RIPOR1: variants seen among roughly 807,000 people sequenced by gnomAD.
RIPOR1 encodes the protein rho family-interacting cell polarization regulator 1.
A neutral mutation model predicts 116.5 loss-of-function variants in RIPOR1; 58 were observed. The ratio of observed to expected loss-of-function variants is 0.50; its 90% CI spans 0.40 to 0.62. RIPOR1 has a LOEUF of 0.62. RIPOR1 is among the 20% of genes least tolerant of loss of function. RIPOR1 has a pLI of 0.00. For synonymous variants in RIPOR1, 605 were observed against 650.0 expected (o/e 0.93, Z 1.05); for missense variants, 1,372 against 1,586.2 (o/e 0.86, Z 2.29).
At chr16:67,520,364 T>C (rs1414313278) in intron 1 of RIPOR1, among the ~76,000 whole-genome samples, 2 of 132,372 alleles carry the variant, frequency 1.5e-5, no homozygotes, top group Non-Finnish European at 3.1e-5. Flanking sequence ...CTGGTGACAG[T>C]GAGACCCCAT....
At chr16:67,539,175 G>A (rs191117798) in intron 4 of RIPOR1, 107 bp downstream of exon 4, 3 of 926,898 alleles carry the variant, frequency 3.2e-6, no homozygotes, top group Admixed American at 2.8e-5. Flanking sequence ...TCTGGTTCAG[G>A]TGTGAGTAGA....
rs1294986391 is a variant in RIPOR1 at position 67,541,417 on chromosome 16, C to T, written c.802-13C>T. The T allele has an allele frequency of 1.9e-6, 3 of 1,612,344 alleles. No individual in the cohort carries two copies. The highest frequency in any genetic ancestry group is 1.1e-5 in the South Asian group (1 of 90,866). ...TGCACCCTTGTGACCCTACCATGCACTCTTGGCTACAGGTGACAGAACTGA... is the reference window on the plus strand; with the variant it reads ...TGCACCCTTGTGACCCTACCATGCATTCTTGGCTACAGGTGACAGAACTGA... On this transcript the variant is annotated splice_polypyrimidine_tract_variant and intron_variant, in intron 10 of 21. Coordinates refer to ENST00000042381, the MANE Select transcript of RIPOR1 (RefSeq NM_024519.4). This position sits in a 1 kb window ranked among gnomAD's most constrained non-coding sequence, Gnocchi z 4.6.
chr16:67,528,090 C>A (rs1333566644), upstream of RIPOR1, among the ~76,000 whole-genome samples: 1 of 151,950 alleles, frequency 6.6e-6, no homozygotes, highest in Non-Finnish European at 1.5e-5. Flanking sequence ...ATGGGAGGAG[C>A]GGGGGAGTGG....
At position 67,541,659 on chromosome 16, in the gene RIPOR1, C is replaced by T. The variant is rs370847784; in HGVS notation, c.957C>T (p.Phe319=). Residue 319 remains phenylalanine, a synonymous_variant, in exon 12 of 22, where the codon TTC becomes TTT. Transcript: ENST00000042381. The surrounding 1 kb of genome is among the most constrained non-coding windows in gnomAD (Gnocchi z 4.6). ...KLSLEVTWSP[F]DKDDQPSAAS... ...CAGCCTCTTCCCTTCCCAGCCCCTTCGACAAGGATGACCAGCCCTCAGCTG... is the reference window on the plus strand; with the variant it reads ...CAGCCTCTTCCCTTCCCAGCCCCTTTGACAAGGATGACCAGCCCTCAGCTG... The T allele has an allele frequency of 1.5e-4, 248 of 1,613,914 alleles. No homozygotes were observed. The Admixed American group carries it at 2.7e-3, about 17-fold the overall frequency.
Position 67,540,706 on chromosome 16 carries a change from T to G in RIPOR1, c.801+2T>G. The stretch of plus-strand genomic sequence containing the variant: ...CTCACGGAATTTCTGTCTATTAAGG[T>G]GATGTCTCTGCCCAGGACGGCAGGC... On this transcript the variant is annotated splice_donor_variant, in intron 10 of 21. Coordinates refer to ENST00000042381, the MANE Select transcript of RIPOR1 (RefSeq NM_024519.4). LOFTEE classifies it high-confidence loss of function. The surrounding 1 kb of genome is among the most constrained non-coding windows in gnomAD (Gnocchi z 4.7). The G allele has an allele frequency of 6.3e-7, 1 of 1,587,318 alleles. No homozygotes were observed. Among genetic ancestry groups the G allele is most frequent in the Non-Finnish European group, 8.6e-7 (1 of 1,165,824 alleles).
rs1361773599 is a variant in RIPOR1, at chr16:67,544,645, C to T, written c.2734-50C>T. On this transcript the variant is annotated intron_variant, in intron 15 of 21. Transcript: ENST00000042381. The surrounding 1 kb of genome is among the most constrained non-coding windows in gnomAD (Gnocchi z 5.1). ...GGGACTTGTCCCTGAGCACGATCCTCCCGAGCCCTACCCTGAGGCCTGAGC... is the reference window on the plus strand; with the variant it reads ...GGGACTTGTCCCTGAGCACGATCCTTCCGAGCCCTACCCTGAGGCCTGAGC... 1 of 1,607,518 alleles carries T rather than the reference C, an allele frequency of 6.2e-7. No individual in the cohort carries two copies. The highest frequency in any genetic ancestry group is 8.5e-7 in the Non-Finnish European group (1 of 1,179,572).
Position 67,544,585 on chromosome 16 carries a change from C to A in RIPOR1, c.2734-110C>A. 1 of 1,558,858 alleles carries A rather than the reference C, an allele frequency of 6.4e-7. No homozygotes were observed. Among genetic ancestry groups the A allele is most frequent in the Non-Finnish European group, 8.7e-7 (1 of 1,148,842 alleles). On this transcript the variant is annotated intron_variant, in intron 15 of 21. Transcript: ENST00000042381. The surrounding 1 kb of genome is among the most constrained non-coding windows in gnomAD (Gnocchi z 5.1). ...GGCCCTTGCTGAATGGAGTATCTCC[C>A]AACTCTGCAACCCCAACCTCCCCCA...
Position 67,544,033 on chromosome 16 carries a change from C to T in RIPOR1, c.2601-266C>T, listed in dbSNP as rs926941437. Among the ~76,000 whole-genome samples the T allele has an allele frequency of 2.6e-5, 4 of 152,102 alleles. No individual in the cohort carries two copies. Among genetic ancestry groups the T allele is most frequent in the African/African-American group, 7.2e-5 (3 of 41,394 alleles). On this transcript the variant is annotated intron_variant, in intron 14 of 21. Coordinates refer to ENST00000042381, the MANE Select transcript of RIPOR1 (RefSeq NM_024519.4). The surrounding 1 kb of genome is among the most constrained non-coding windows in gnomAD (Gnocchi z 5.1). ...GCAGTCCACTTGTCATAAACCATCCCGCCTGCAGCCTACTCCTACCCATGC... is the reference window on the plus strand; with the variant it reads ...GCAGTCCACTTGTCATAAACCATCCTGCCTGCAGCCTACTCCTACCCATGC...
Position 67,546,195 on chromosome 16 carries a change from G to A in RIPOR1, c.3526G>A (p.Val1176Met). ...VYLCQTDTEAVREAARQSLQQ... is the reference protein window; with the variant it reads ...VYLCQTDTEAMREAARQSLQQ... Reference sequence around the variant, plus strand: ...CCTCTGCCAAACTGACACAGAAGCTGTGAGGGAAGCTGCCCGGCAAAGCCT... The same window carrying A: ...CCTCTGCCAAACTGACACAGAAGCTATGAGGGAAGCTGCCCGGCAAAGCCT... The change falls in exon 21 of 22, where the codon GTG becomes ATG. Residue 1176 changes from valine (V) to methionine (M), a missense_variant. Physicochemically the swap from Val to Met is conservative, Grantham distance 21 (BLOSUM62 1). Around this residue, in one of 3 missense-constraint regions of RIPOR1, gnomAD observed 1,005 missense variants for 1,144.7 expected, o/e 0.88. Transcript: ENST00000042381. 1 of 1,614,126 alleles carries A rather than the reference G, an allele frequency of 6.2e-7. No individual in the cohort carries two copies. Among genetic ancestry groups the A allele is most frequent in the Non-Finnish European group, 8.5e-7 (1 of 1,180,040 alleles).
At chr16:67,523,468 G>A (rs2050511573) in intron 1 of RIPOR1, among the ~76,000 whole-genome samples, 1 of 136,332 alleles carries the variant, frequency 7.3e-6, no homozygotes, top group South Asian at 2.7e-4. Context: ...AGAGGTTGCA[G>A]TGAGCCGAGA....
In RIPOR1 at chr16:67,541,233, ATTTTTTTTTTT is replaced by A. The variant is rs565790382; in HGVS notation, c.802-187_802-177del. On this transcript the variant is annotated intron_variant, in intron 10 of 21. Transcript: ENST00000042381. This position sits in a 1 kb window ranked among gnomAD's most constrained non-coding sequence, Gnocchi z 4.6. The stretch of plus-strand genomic sequence containing the variant: ...GGTGCACCACCATGCCTGGCTAAAA[ATTTTTTTTTTT>A]TTTTTTTTTGAGACAGAGTCTTGCC... The A allele has an allele frequency of 1.5e-5, 6 of 404,994 alleles. No individual in the cohort carries two copies. Among genetic ancestry groups the A allele is most frequent in the Non-Finnish European group, 2.6e-5 (6 of 230,256 alleles). The allele number at this position is 404,994 out of a possible 1,614,324, so 25.1% of individuals were successfully genotyped here. A position where few individuals can be genotyped will look rare whatever the true frequency, so the allele number is the denominator to read the frequency against.
In RIPOR1 at chr16:67,544,171, A is replaced by T. The variant is rs2051088289; in HGVS notation, c.2601-128A>T. 8.1e-7 allele frequency: 1 copy of T among 1,227,880 alleles called. No individual in the cohort carries two copies. Among genetic ancestry groups the T allele is most frequent in the Non-Finnish European group, 1.1e-6 (1 of 887,326 alleles). The allele number at this position is 1,227,880 out of a possible 1,614,324, so 76.1% of individuals were successfully genotyped here. ...CCTTCTGGAAATCCTCCATGAACTT[A>T]CCCCACTGTCTGCTGTCGGTGCATC... On this transcript the variant is annotated intron_variant, in intron 14 of 21. Coordinates refer to ENST00000042381, the MANE Select transcript of RIPOR1 (RefSeq NM_024519.4). This position sits in a 1 kb window ranked among gnomAD's most constrained non-coding sequence, Gnocchi z 5.1.
chr16:67,535,689 G>A (rs2050775195), intron 1 of RIPOR1, among the ~76,000 whole-genome samples: 2 of 152,168 alleles, frequency 1.3e-5, no homozygotes, highest in Admixed American at 6.5e-5. Context: ...GAGGTCTCAG[G>A]TAAAAGGCAG....
At position 67,537,352 on chromosome 16, in the gene RIPOR1, C is replaced by T. The variant is rs540488321; in HGVS notation, c.-23-1072C>T. On this transcript the variant is annotated intron_variant, in intron 1 of 21. Transcript: ENST00000042381. This position sits in a 1 kb window ranked among gnomAD's most constrained non-coding sequence, Gnocchi z 4.6. ...TGACCCCAGCTGAGCAGACCCCTCGCCCCCCGTCGGTCCCCTCCCCGAGGG... is the reference window on the plus strand; with the variant it reads ...TGACCCCAGCTGAGCAGACCCCTCGTCCCCCGTCGGTCCCCTCCCCGAGGG... 12 of 1,218,592 alleles carry T rather than the reference C, an allele frequency of 9.8e-6. No individual in the cohort carries two copies. The South Asian group carries it at 3.8e-4, about 39-fold the overall frequency. 75.5% of individuals were successfully genotyped at this position (1,218,592 alleles called of 1,614,324 possible).
Position 67,544,173 on chromosome 16 carries a change from C to CGAT in RIPOR1, c.2601-126_2601-125insGAT. ...TTCTGGAAATCCTCCATGAACTTAC[C>CGAT]CCACTGTCTGCTGTCGGTGCATCAT... is the stretch of plus-strand genomic sequence containing the variant. On this transcript the variant is annotated intron_variant, in intron 14 of 21. Coordinates refer to ENST00000042381, the MANE Select transcript of RIPOR1 (RefSeq NM_024519.4). The surrounding 1 kb of genome is among the most constrained non-coding windows in gnomAD (Gnocchi z 5.1). 6.4e-6 allele frequency: 8 copies of CGAT among 1,252,926 alleles called. No homozygotes were observed. The South Asian group carries it at 1.2e-4, about 19-fold the overall frequency. The allele number at this position is 1,252,926 out of a possible 1,614,324, so 77.6% of individuals were successfully genotyped here.
In RIPOR1 at chr16:67,543,499, G is replaced by C; in HGVS notation, c.2600+30G>C. Reference sequence around the variant, plus strand: ...GGGGGCTAGGCAAGATGGGTGTGAGGCTAGGTGAGAGGGAAAAGGTGAGGC... The same window carrying C: ...GGGGGCTAGGCAAGATGGGTGTGAGCCTAGGTGAGAGGGAAAAGGTGAGGC... On this transcript the variant is annotated intron_variant, in intron 14 of 21. Coordinates refer to ENST00000042381, the MANE Select transcript of RIPOR1 (RefSeq NM_024519.4). This position sits in a 1 kb window ranked among gnomAD's most constrained non-coding sequence, Gnocchi z 4.7. 6.5e-7 allele frequency: 1 copy of C among 1,545,572 alleles called. No individual in the cohort carries two copies. The highest frequency in any genetic ancestry group is 2.4e-5 in the East Asian group (1 of 40,928).
In RIPOR1 at chr16:67,531,082, G is replaced by A. The variant is rs1030905241; in HGVS notation, c.-24+2168G>A. Among the ~76,000 whole-genome samples the A allele has an allele frequency of 1.3e-5, 2 of 152,120 alleles. No homozygotes were observed. Among genetic ancestry groups the A allele is most frequent in the South Asian group, 2.1e-4 (1 of 4,830 alleles). The stretch of plus-strand genomic sequence containing the variant: ...GAGGGCCAACCAGAGAGAGAAAAGT[G>A]ATGGAACAGTCAGCGGTTTCCAAGT... On this transcript the variant is annotated intron_variant, in intron 1 of 21. Coordinates refer to ENST00000042381, the MANE Select transcript of RIPOR1 (RefSeq NM_024519.4). This position sits in a 1 kb window ranked among gnomAD's most constrained non-coding sequence, Gnocchi z 4.2.
chr16:67,535,917 A>G (rs2050781321), intron 1 of RIPOR1, among the ~76,000 whole-genome samples: 1 of 152,130 alleles, frequency 6.6e-6, no homozygotes, highest in Non-Finnish European at 1.5e-5. Flanking sequence ...ACATATCTCA[A>G]ACTGAGGTCC....
chr16:67,535,642 G>C (rs1281581037), intron 1 of RIPOR1, among the ~76,000 whole-genome samples: 2 of 152,214 alleles, frequency 1.3e-5, no homozygotes, highest in African/African-American at 2.4e-5. Context: ...GCCACTCAGT[G>C]AATAGGTGAA....
Sources: allele counts gnomAD v4.1 joint callset (sites outside exome capture counted in the v4.1 genomes callset), GRCh38; gene constraint gnomAD v4.1.1; regional missense constraint gnomAD v4.1.1; non-coding constraint Gnocchi (gnomAD v3.1); transcripts MANE v1.5; gene names NCBI Gene and HGNC (gene_info 2026-07-23, HGNC 2026-07-21).